ULK4: variants seen among roughly 807,000 people sequenced by gnomAD.
The protein encoded by ULK4 is inactive serine/threonine-protein kinase ULK4.
In ULK4, 133 loss-of-function variants were observed where a neutral mutation model predicts 160.6. That is an observed-to-expected ratio of 0.83 (90% CI 0.72 to 0.96). The LOEUF (loss-of-function observed/expected upper bound fraction) is 0.96. Among genes scored for constraint, ULK4 ranks in the 40% least tolerant of loss-of-function variants. The probability of loss-of-function intolerance (pLI) is 0.00; values close to 1 mark genes in which losing one functional copy is unlikely to be tolerated. For missense variants in ULK4, 1,580 were observed against 1,499.5 expected (o/e 1.05, Z -0.89); for synonymous variants, 534 against 539.8 (o/e 0.99, Z 0.15).
At chr3:41,820,579 T>C (rs2041113995) in intron 18 of ULK4, among the ~76,000 whole-genome samples, 1 of 151,862 alleles carries the variant, frequency 6.6e-6, no homozygotes, top group African/African-American at 2.4e-5. Context: ...TAAACATGAA[T>C]ACACACAGAC....
Position 41,279,265 on chromosome 3 carries a change from A to AAC in ULK4, c.3679-29692_3679-29691insGT, listed in dbSNP as rs756179434. On this transcript the variant is annotated intron_variant, in intron 35 of 36. Coordinates refer to ENST00000301831, the MANE Select transcript of ULK4 (RefSeq NM_017886.4). ...TAGAGAAAAAAAGAGTAAAAAAAAA[A>AAC]AAAAAAAAAACAAAACGACAAAGCC... Among the ~76,000 whole-genome samples, 429 of 145,130 alleles carry AAC rather than the reference A, an allele frequency of 3.0e-3. 3 individuals are homozygous for AAC. In the South Asian group the frequency reaches 0.033, roughly 11 times the overall value.
intron 30 of ULK4, among the ~76,000 whole-genome samples, chr3:41,635,782 A>T (rs1250401618): frequency 1.3e-5 from 2 of 152,232 alleles, no homozygotes; most frequent in African/African-American, 4.8e-5. Flanking sequence ...AATTGATCTG[A>T]GATTAGAACG....
rs2086070666 is a variant in ULK4 at position 41,525,183 on chromosome 3, G to A, written c.3226+40842C>T. Among the ~76,000 whole-genome samples the A allele has an allele frequency of 2.0e-5, 3 of 152,092 alleles. No homozygotes were observed. In the South Asian group the frequency reaches 6.2e-4, roughly 32 times the overall value. Reference sequence around the variant, plus strand: ...TAAGCAGATGAAAGATATGTGAGAGGCATTAACTCTCTCATATTTCTCACA... The same window carrying A: ...TAAGCAGATGAAAGATATGTGAGAGACATTAACTCTCTCATATTTCTCACA... On this transcript the variant is annotated intron_variant, in intron 32 of 36. Transcript: ENST00000301831.
At chr3:41,846,721 C>G (rs1431107689) in intron 17 of ULK4, among the ~76,000 whole-genome samples, 1 of 150,636 alleles carries the variant, frequency 6.6e-6, no homozygotes, top group Non-Finnish European at 1.5e-5. Flanking sequence ...AGGAGGATCA[C>G]TTGAGCCTGG....
At position 41,279,265 on chromosome 3, in the gene ULK4, A is replaced by C. The variant is rs1294376440; in HGVS notation, c.3679-29691T>G. Among the ~76,000 whole-genome samples, 819 of 145,126 alleles carry C rather than the reference A, an allele frequency of 5.6e-3. 10 individuals carry two copies. Among genetic ancestry groups the C allele is most frequent in the African/African-American group, 0.021 (768 of 36,718 alleles). ...TAGAGAAAAAAAGAGTAAAAAAAAA[A>C]AAAAAAAAAACAAAACGACAAAGCC... is the stretch of plus-strand genomic sequence containing the variant. On this transcript the variant is annotated intron_variant, in intron 35 of 36. Coordinates refer to ENST00000301831, the MANE Select transcript of ULK4 (RefSeq NM_017886.4).
At chr3:41,939,743 C>T (rs1699891989) in intron 2 of ULK4, among the ~76,000 whole-genome samples, 1 of 151,984 alleles carries the variant, frequency 6.6e-6, no homozygotes, top group Non-Finnish European at 1.5e-5. Flanking sequence ...TGTTCGGAAC[C>T]AGGCCAGACA....
intron 32 of ULK4, among the ~76,000 whole-genome samples, chr3:41,514,642 G>C (rs1050962679): frequency 2.0e-5 from 3 of 152,194 alleles, no homozygotes; most frequent in Non-Finnish European, 4.4e-5. Flanking sequence ...ATGAATGAAA[G>C]TGGAGGCCAT....
chr3:41,619,144 C>T (rs984085536), intron 30 of ULK4, among the ~76,000 whole-genome samples: 2 of 151,936 alleles, frequency 1.3e-5, no homozygotes, highest in Admixed American at 6.6e-5. Context: ...TTCTTAGAGA[C>T]CTACAAAGAG....
chr3:41,919,759 C>A lies in ULK4; in HGVS notation c.601G>T (p.Asp201Tyr). The stretch of plus-strand genomic sequence containing the variant: ...AGCAGACAGCCCAAAGACCAGAGGT[C>A]ACTGGAGATGGAAAAGTCAGCACCC... The part of the protein sequence containing the change: ...VRGADFSISS[D>Y]LWSLGCLLYE... The change falls in exon 6 of 37, where the codon GAC (aspartate) becomes TAC (tyrosine). Residue 201 changes from aspartate (D) to tyrosine (Y), a missense_variant. By Grantham distance (160) the Asp-to-Tyr change is radical (BLOSUM62 -3). Transcript: ENST00000301831. The A allele has an allele frequency of 1.2e-6, 2 of 1,614,078 alleles. No individual in the cohort carries two copies. Among genetic ancestry groups the A allele is most frequent in the Non-Finnish European group, 1.7e-6 (2 of 1,180,014 alleles).
chr3:41,276,149 T>C (rs545271505), intron 35 of ULK4, among the ~76,000 whole-genome samples: 1 of 152,328 alleles, frequency 6.6e-6, no homozygotes, highest in African/African-American at 2.4e-5. Context: ...CACCTCAAAC[T>C]GTGAGAGTTT....
intron 34 of ULK4, among the ~76,000 whole-genome samples, chr3:41,431,997 T>C (rs1206994408): frequency 6.6e-6 from 1 of 152,074 alleles, no homozygotes; most frequent in Non-Finnish European, 1.5e-5. Context: ...TTCACTGTGT[T>C]AGCCAGGCTG....
chr3:41,936,980 T>C, intron 3 of ULK4: 1 of 217,000 alleles, frequency 4.6e-6, no homozygotes, highest in Non-Finnish European at 9.0e-6. Flanking sequence ...GATGTGCTTA[T>C]TACACACTGC....
chr3:41,461,442 C>T (rs978179023), intron 33 of ULK4, among the ~76,000 whole-genome samples: 2 of 152,174 alleles, frequency 1.3e-5, no homozygotes, highest in African/African-American at 4.8e-5. Flanking sequence ...CTAATTCAGC[C>T]TCAAGGACTC....
intron 35 of ULK4, among the ~76,000 whole-genome samples, chr3:41,297,067 A>T (rs931838232): frequency 1.3e-5 from 2 of 152,124 alleles, no homozygotes; most frequent in Non-Finnish European, 2.9e-5. Flanking sequence ...AAGAGGGGCT[A>T]TGTTCTGCTG....
intron 34 of ULK4, among the ~76,000 whole-genome samples, chr3:41,413,741 A>C (rs764496537): frequency 1.3e-5 from 2 of 152,184 alleles, no homozygotes; most frequent in East Asian, 3.8e-4. Context: ...AATCAAAACT[A>C]TGGCCCAACT....
Position 41,717,868 on chromosome 3 carries a change from A to G in ULK4, c.2322-7T>C, listed in dbSNP as rs17060941. ...CTCGATGTACATCACCAGTCTACATACAGGAAAGTGCAAAGATTACCTCTC... is the reference window on the plus strand; with the variant it reads ...CTCGATGTACATCACCAGTCTACATGCAGGAAAGTGCAAAGATTACCTCTC... On this transcript the variant is annotated splice_polypyrimidine_tract_variant and splice_region_variant and intron_variant, in intron 22 of 36. Transcript: ENST00000301831. The G allele has an allele frequency of 3.9e-4, 622 of 1,613,554 alleles. 6 individuals are homozygous for G. In the African/African-American group the frequency reaches 7.4e-3, roughly 19 times the overall value.
intron 35 of ULK4, among the ~76,000 whole-genome samples, chr3:41,372,467 C>T (rs1338400135): frequency 2.6e-5 from 4 of 152,180 alleles, no homozygotes; most frequent in Non-Finnish European, 5.9e-5. Context: ...CCCTACAAGC[C>T]AGAAAAGAGT....
chr3:41,445,401 A>C (rs2083274509), intron 34 of ULK4, among the ~76,000 whole-genome samples: 1 of 152,232 alleles, frequency 6.6e-6, no homozygotes, highest in East Asian at 1.9e-4. Context: ...ACCAAAAAAG[A>C]GCCTGCATCG....
intron 35 of ULK4, among the ~76,000 whole-genome samples, chr3:41,278,689 C>T (rs552234206): frequency 6.6e-6 from 1 of 152,170 alleles, no homozygotes; most frequent in African/African-American, 2.4e-5. Context: ...CAAACCCCAA[C>T]AGACCTGCAC....
Sources: gnomAD v4.1 joint callset for allele counts (sites outside exome capture counted in the v4.1 genomes callset) on GRCh38, gnomAD v4.1.1 for gene constraint, MANE v1.5 for transcripts, NCBI Gene and HGNC (gene_info 2026-07-23, HGNC 2026-07-21) for gene names.